RBBP4: variants seen among roughly 807,000 people sequenced by gnomAD.
RBBP4 encodes the protein histone-binding protein RBBP4.
RBBP4 carries 3 observed loss-of-function variants against 57.2 expected under a neutral mutation model. The ratio of observed to expected loss-of-function variants is 0.05; its 90% CI spans 0.02 to 0.14. The LOEUF is 0.14. Among genes scored for constraint, RBBP4 ranks in the 10% least tolerant of loss-of-function variants. The pLI, the probability that RBBP4 is intolerant of heterozygous loss-of-function variation, is 1.00. For synonymous variants in RBBP4, 151 were observed against 171.5 expected (o/e 0.88, Z 0.93); for missense variants, 107 against 520.6 (o/e 0.21, Z 7.73).
intron 11 of RBBP4, 133 bp downstream of exon 11, chr1:32,673,034 A>G (rs977710152): frequency 8.5e-5 from 62 of 727,512 alleles, no homozygotes; most frequent in Non-Finnish European, 1.3e-4. Context: ...AGACTTGTCT[A>G]TACATTATCA....
chr1:32,665,208 A>G (rs923463338), intron 3 of RBBP4, among the ~76,000 whole-genome samples: 2 of 152,160 alleles, frequency 1.3e-5, no homozygotes, highest in African/African-American at 2.4e-5. Flanking sequence ...GGAGTTATGG[A>G]AAAAATTAGG....
rs417833 is a variant in RBBP4 at position 32,655,830 on chromosome 1, T to C, written c.165-1597T>C. On this transcript the variant is annotated intron_variant, in intron 2 of 11. Transcript: ENST00000373493. The stretch of plus-strand genomic sequence containing the variant: ...ATTTATAAACCCCAATGAATTCTGG[T>C]TGTGTAGCATCTTTCCCATCTAGGC... Among the ~76,000 whole-genome samples the C allele has an allele frequency of 3.6e-3, 553 of 152,342 alleles. 5 individuals carry two copies. Among genetic ancestry groups the C allele is most frequent in the African/African-American group, 0.013 (522 of 41,582 alleles).
At chr1:32,675,813 G>T (rs553650710) in intron 11 of RBBP4, among the ~76,000 whole-genome samples, 2 of 152,008 alleles carry the variant, frequency 1.3e-5, no homozygotes, top group Non-Finnish European at 2.9e-5. Flanking sequence ...ATTAGGGGCT[G>T]TGCTCAGTGG....
chr1:32,664,517 A>T (rs1441307117), intron 3 of RBBP4, among the ~76,000 whole-genome samples: 1 of 151,814 alleles, frequency 6.6e-6, no homozygotes, highest in Non-Finnish European at 1.5e-5. Context: ...TAGTCGTGCA[A>T]TCTTGGTTCA....
At chr1:32,661,571 G>A (rs1302871707) in intron 3 of RBBP4, among the ~76,000 whole-genome samples, 1 of 151,994 alleles carries the variant, frequency 6.6e-6, no homozygotes, top group Non-Finnish European at 1.5e-5. Flanking sequence ...TGGGATTACA[G>A]GCGTGACCAC....
chr1:32,671,993 TTTTTG>T (rs147897099), intron 8 of RBBP4, among the ~76,000 whole-genome samples: 5,814 of 152,068 alleles, frequency 0.038, 222 homozygotes, highest in East Asian at 0.11. Flanking sequence ...AAACATTTTT[TTTTTG>T]TTTTTCTTTT....
chr1:32,669,019 G>C lies in RBBP4; in HGVS notation c.648G>C (p.Val216=). ...GTGCCGTTCCAAAGGAGGGAAAAGT[G>C]GTAGATGCGAAGACCATCTTTACAG... The part of the protein sequence containing the change: ...DISAVPKEGK[V]VDAKTIFTGH... Residue 216 remains valine, a synonymous_variant, in exon 6 of 12, where the codon GTG becomes GTC. Coordinates refer to ENST00000373493, the MANE Select transcript of RBBP4 (RefSeq NM_005610.3). The surrounding 1 kb of genome is among the most constrained non-coding windows in gnomAD (Gnocchi z 4.9). 6.2e-7 allele frequency: 1 copy of C among 1,614,014 alleles called. No individual in the cohort carries two copies. Among genetic ancestry groups the C allele is most frequent in the South Asian group, 1.1e-5 (1 of 91,078 alleles).
intron 3 of RBBP4, chr1:32,662,241 TC>T: frequency 3.0e-6 from 1 of 336,202 alleles, no homozygotes; most frequent in South Asian, 2.1e-5. Context: ...CTCTCTGTCG[TC>T]CAGGCTGAGT....
intron 2 of RBBP4, among the ~76,000 whole-genome samples, chr1:32,656,709 G>C (rs1244355067): frequency 1.3e-5 from 2 of 151,970 alleles, no homozygotes; most frequent in African/African-American, 2.4e-5. Context: ...TACTTCCATC[G>C]CGTTTGGAGC....
In RBBP4 at chr1:32,669,155, T is replaced by G. The variant is rs771962733; in HGVS notation, c.761+23T>G. ...GATGTGAGTAGAATCCATTCAGAGT[T>G]TCTAAATATCTTGTCTAAGTTTTAT... On this transcript the variant is annotated intron_variant, in intron 6 of 11. Transcript: ENST00000373493. This position sits in a 1 kb window ranked among gnomAD's most constrained non-coding sequence, Gnocchi z 4.9. The G allele has an allele frequency of 1.9e-6, 3 of 1,612,864 alleles. No homozygotes were observed. Among genetic ancestry groups the G allele is most frequent in the Non-Finnish European group, 1.7e-6 (2 of 1,179,436 alleles).
In RBBP4 at chr1:32,680,137, A is replaced by T. The variant is rs892703560; in HGVS notation, c.*432A>T. ...TATTCAGGAAATAGGGGGAGATTCA[A>T]GTCATATAGATTCCTACTCGAAAAT... On this transcript the variant is annotated 3_prime_UTR_variant, in exon 12 of 12. Transcript: ENST00000373493. The T allele has an allele frequency of 4.6e-6, 5 of 1,076,520 alleles. No homozygotes were observed. In the African/African-American group the frequency reaches 8.5e-5, roughly 18 times the overall value. The allele number at this position is 1,076,520 out of a possible 1,614,324, so 66.7% of individuals were successfully genotyped here. A position where few individuals can be genotyped will look rare whatever the true frequency, so the allele number is the denominator to read the frequency against.
Position 32,679,840 on chromosome 1 carries a change from C to T in RBBP4, c.*135C>T. 7.2e-7 allele frequency: 1 copy of T among 1,386,952 alleles called. No homozygotes were observed. Among genetic ancestry groups the T allele is most frequent in the South Asian group, 1.7e-5 (1 of 57,636 alleles). The allele number at this position is 1,386,952 out of a possible 1,614,324, so 85.9% of individuals were successfully genotyped here. ...TAGGTACCACCGATAATGCTATTAG[C>T]CCAAACCGTGGGTGTTTTCTAAATA... On this transcript the variant is annotated 3_prime_UTR_variant, in exon 12 of 12. Transcript: ENST00000373493.
In RBBP4 at chr1:32,679,999, A is replaced by G. The variant is rs982671584; in HGVS notation, c.*294A>G. 94 of 1,160,830 alleles carry G rather than the reference A, an allele frequency of 8.1e-5. No homozygotes were observed. The highest frequency in any genetic ancestry group is 1.6e-4 in the East Asian group (3 of 19,062). The allele number at this position is 1,160,830 out of a possible 1,614,324, so 71.9% of individuals were successfully genotyped here. ...GTGTGATTATTTTTCTTCTTATGCT[A>G]TATCCCCAAGTTTTTCAGACTCATT... On this transcript the variant is annotated 3_prime_UTR_variant, in exon 12 of 12. Transcript: ENST00000373493.
intron 3 of RBBP4, among the ~76,000 whole-genome samples, chr1:32,661,856 A>G (rs1648427164): frequency 1.1e-5 from 1 of 91,862 alleles, no homozygotes; most frequent in Non-Finnish European, 2.1e-5. Flanking sequence ...GTGTCTGTTC[A>G]TGTCCTTTGC....
intron 11 of RBBP4, among the ~76,000 whole-genome samples, chr1:32,677,477 A>AAC (rs1649151834): frequency 6.6e-6 from 1 of 150,576 alleles, no homozygotes; most frequent in South Asian, 2.1e-4. Flanking sequence ...ATTTAAAAAA[A>AAC]AAAACAAAAC....
chr1:32,652,874 G>A (rs998944625), intron 2 of RBBP4, among the ~76,000 whole-genome samples: 3 of 152,174 alleles, frequency 2.0e-5, no homozygotes, highest in African/African-American at 7.2e-5. Flanking sequence ...AATTCTCGTA[G>A]TATGTCATGG....
intron 2 of RBBP4, among the ~76,000 whole-genome samples, chr1:32,653,763 A>G (rs930219997): frequency 7.9e-5 from 11 of 138,962 alleles, no homozygotes; most frequent in African/African-American, 1.1e-4. Context: ...GGTTCACGCC[A>G]TTTTCCTGCC....
At position 32,651,253 on chromosome 1, in the gene RBBP4, C is replaced by G. The variant is rs1448387561; in HGVS notation, c.-54C>G. 7 of 1,505,858 alleles carry G rather than the reference C, an allele frequency of 4.6e-6. No individual in the cohort carries two copies. In the East Asian group the frequency reaches 1.7e-4, roughly 36 times the overall value. The allele number at this position is 1,505,858 out of a possible 1,614,324, so 93.3% of individuals were successfully genotyped here. A position where few individuals can be genotyped will look rare whatever the true frequency, so the allele number is the denominator to read the frequency against. On this transcript the variant is annotated 5_prime_UTR_variant, in exon 1 of 12. Coordinates refer to ENST00000373493, the MANE Select transcript of RBBP4 (RefSeq NM_005610.3). ...GCACAGAGCGAGCTCTTGCAGCCTC[C>G]CCGCCCCTCCCGCAACGCTCGACCC...
At chr1:32,658,045 G>T (rs371560304) in intron 3 of RBBP4, among the ~76,000 whole-genome samples, 43 of 152,120 alleles carry the variant, frequency 2.8e-4, no homozygotes, top group African/African-American at 9.6e-4. Context: ...TGGAGACAGG[G>T]TTTCACCAAG....
Sources: gnomAD v4.1 joint callset for allele counts (sites outside exome capture counted in the v4.1 genomes callset) on GRCh38, gnomAD v4.1.1 for gene constraint, Gnocchi (gnomAD v3.1) non-coding constraint, MANE v1.5 for transcripts, NCBI Gene and HGNC (gene_info 2026-07-23, HGNC 2026-07-21) for gene names.